Variants in KHDRBS2 observed in about 807,000 individuals in gnomAD.
The protein encoded by KHDRBS2 is KH domain-containing, RNA-binding, signal transduction-associated protein 2.
KHDRBS2 carries 26 observed loss-of-function variants against 44.3 expected under a neutral mutation model. The ratio of observed to expected loss-of-function variants is 0.59; its 90% CI spans 0.43 to 0.81. The LOEUF (loss-of-function observed/expected upper bound fraction) is 0.81, where lower values mean the gene tolerates loss of function less well. Among genes scored for constraint, KHDRBS2 ranks in the 40% least tolerant of loss-of-function variants. The pLI, the probability that KHDRBS2 is intolerant of heterozygous loss-of-function variation, is 0.00. For synonymous variants in KHDRBS2, 194 were observed against 151.1 expected (o/e 1.28, Z -2.08); for missense variants, 476 against 433.1 (o/e 1.10, Z -0.88).
intron 6 of KHDRBS2, among the ~76,000 whole-genome samples, chr6:61,876,806 C>T (rs1799473084): frequency 1.3e-5 from 2 of 151,978 alleles, no homozygotes. Flanking sequence ...GTCATGCAGC[C>T]CCTATGAGAA....
At chr6:61,770,328 T>A (rs1293319526) in intron 6 of KHDRBS2, among the ~76,000 whole-genome samples, 1 of 152,092 alleles carries the variant, frequency 6.6e-6, no homozygotes, top group African/African-American at 2.4e-5. Flanking sequence ...GGAACAAAGC[T>A]GGATGGGGAA....
At chr6:62,081,967 TAAC>T (rs1024584050) in intron 2 of KHDRBS2, among the ~76,000 whole-genome samples, 2 of 152,094 alleles carry the variant, frequency 1.3e-5, no homozygotes, top group African/African-American at 4.8e-5. Flanking sequence ...TGGATGGAAA[TAAC>T]TAAAGGAATT....
chr6:61,809,961 T>C (rs1787840695), intron 6 of KHDRBS2, among the ~76,000 whole-genome samples: 3 of 151,924 alleles, frequency 2.0e-5, no homozygotes, highest in Middle Eastern at 3.4e-3. Flanking sequence ...CTCAAGAAAA[T>C]TGATGTTGAA....
intron 6 of KHDRBS2, among the ~76,000 whole-genome samples, chr6:61,806,930 GTCTT>G (rs932242357): frequency 2.6e-5 from 4 of 152,054 alleles, no homozygotes; most frequent in Non-Finnish European, 5.9e-5. Flanking sequence ...TGTACTCACT[GTCTT>G]TAATTATGTC....
At chr6:61,711,630 C>T (rs1204360700) in intron 7 of KHDRBS2, among the ~76,000 whole-genome samples, 1 of 151,788 alleles carries the variant, frequency 6.6e-6, no homozygotes, top group Non-Finnish European at 1.5e-5. Flanking sequence ...TGTTGAAGGA[C>T]TTTTGAAGAA....
chr6:62,078,187 G>A (rs1203614699), intron 2 of KHDRBS2, among the ~76,000 whole-genome samples: 1 of 151,982 alleles, frequency 6.6e-6, no homozygotes, highest in Non-Finnish European at 1.5e-5. Flanking sequence ...ATATAAAACT[G>A]TCCAAATGTA....
the KHDRBS2 span, among the ~76,000 whole-genome samples, chr6:61,656,914 T>C: frequency 6.6e-6 from 1 of 152,026 alleles, no homozygotes; most frequent in Non-Finnish European, 1.5e-5. Flanking sequence ...TATGTTCTTA[T>C]TTAATCATTG....
intron 3 of KHDRBS2, among the ~76,000 whole-genome samples, chr6:61,982,551 A>G (rs1055481464): frequency 6.6e-6 from 1 of 151,812 alleles, no homozygotes; most frequent in Non-Finnish European, 1.5e-5. Flanking sequence ...CATGCCTGTA[A>G]TCCCAGCTAC....
the KHDRBS2 span, among the ~76,000 whole-genome samples, chr6:61,668,610 G>A: frequency 6.0e-5 from 9 of 150,952 alleles, no homozygotes; most frequent in East Asian, 3.9e-4. Context: ...CAATTTATGA[G>A]AATTATTAGA....
At chr6:62,083,579 C>T (rs1348238318) in intron 2 of KHDRBS2, among the ~76,000 whole-genome samples, 1 of 152,078 alleles carries the variant, frequency 6.6e-6, no homozygotes, top group East Asian at 1.9e-4. Context: ...TTTAGGCAAC[C>T]CCTAGACTCT....
At chr6:62,099,197 C>A (rs1056028224) in intron 2 of KHDRBS2, among the ~76,000 whole-genome samples, 2 of 152,116 alleles carry the variant, frequency 1.3e-5, no homozygotes, top group African/African-American at 4.8e-5. Context: ...GTTCTTAATG[C>A]TTATGAGTAT....
the KHDRBS2 span, among the ~76,000 whole-genome samples, chr6:61,624,594 A>G: frequency 6.6e-6 from 1 of 152,226 alleles, no homozygotes; most frequent in Non-Finnish European, 1.5e-5. Flanking sequence ...GAACTACTTC[A>G]TTACAAGTAT....
At chr6:62,011,901 C>G (rs771207348) in intron 3 of KHDRBS2, among the ~76,000 whole-genome samples, 2 of 152,128 alleles carry the variant, frequency 1.3e-5, no homozygotes, top group Non-Finnish European at 2.9e-5. Flanking sequence ...GGTGTTAAAA[C>G]TGTTTTTTAA....
chr6:61,893,534 C>T (rs1270454915), intron 6 of KHDRBS2, among the ~76,000 whole-genome samples: 9 of 152,060 alleles, frequency 5.9e-5, no homozygotes, highest in East Asian at 1.9e-4. Flanking sequence ...ATTAAGAAAA[C>T]GTGGCACATA....
chr6:62,069,098 G>T (rs1794411172), intron 2 of KHDRBS2, among the ~76,000 whole-genome samples: 1 of 151,546 alleles, frequency 6.6e-6, no homozygotes, highest in African/African-American at 2.4e-5. Flanking sequence ...TGAACAACAT[G>T]GGGGTTAGGG....
intron 4 of KHDRBS2, among the ~76,000 whole-genome samples, chr6:61,908,199 G>A (rs186398772): frequency 2.0e-5 from 3 of 152,174 alleles, no homozygotes; most frequent in Admixed American, 6.5e-5. Flanking sequence ...ACATCCTGGA[G>A]AGATAAAGAG....
intron 8 of KHDRBS2, among the ~76,000 whole-genome samples, chr6:61,688,974 T>A (rs1170309391): frequency 1.3e-5 from 2 of 151,872 alleles, no homozygotes; most frequent in African/African-American, 2.4e-5. Context: ...AGACTAACCA[T>A]AATATTAGAG....
chr6:61,636,423 T>G, the KHDRBS2 span, among the ~76,000 whole-genome samples: 1 of 152,244 alleles, frequency 6.6e-6, no homozygotes, highest in Admixed American at 6.5e-5. Flanking sequence ...CTTCTCAACC[T>G]ATTCATATTA....
At chr6:61,861,347 G>T (rs1226662023) in intron 6 of KHDRBS2, among the ~76,000 whole-genome samples, 3 of 152,018 alleles carry the variant, frequency 2.0e-5, no homozygotes, top group African/African-American at 7.2e-5. Flanking sequence ...TATAGTTTGG[G>T]TTTTACATTG....
Sources: allele counts gnomAD v4.1 joint callset (sites outside exome capture counted in the v4.1 genomes callset), GRCh38; gene constraint gnomAD v4.1.1; transcripts MANE v1.5; gene names NCBI Gene and HGNC (gene_info 2026-07-23, HGNC 2026-07-21).